AKT3: variants seen among roughly 807,000 people sequenced by gnomAD.
AKT3 encodes the protein AKT serine/threonine kinase 3.
A neutral mutation model predicts 65.3 loss-of-function variants in AKT3; 15 were observed. The observed-to-expected ratio is 0.23, with a 90% CI of 0.15 to 0.35. AKT3 has a LOEUF of 0.35. Among genes scored for constraint, AKT3 ranks in the 10% least tolerant of loss-of-function variants. The probability of loss-of-function intolerance (pLI) is 1.00; values close to 1 mark genes in which losing one functional copy is unlikely to be tolerated. For synonymous variants in AKT3, 206 were observed against 183.8 expected, an observed-to-expected ratio of 1.12 and a Z score of -0.98; for missense variants, 243 against 576.5, an observed-to-expected ratio of 0.42 and a Z score of 5.92.
intron 2 of AKT3, among the ~76,000 whole-genome samples, chr1:243,752,775 T>C (rs987678460): frequency 2.0e-5 from 3 of 152,198 alleles, no homozygotes; most frequent in African/African-American, 4.8e-5. Flanking sequence ...GAGGATGCTG[T>C]CATAAAGGTC....
At chr1:243,672,616 A>T (rs766979071) in intron 3 of AKT3, among the ~76,000 whole-genome samples, 24 of 152,214 alleles carry the variant, frequency 1.6e-4, no homozygotes, top group Non-Finnish European at 3.2e-4. Flanking sequence ...CCAAATTGTG[A>T]CATTTTAATT....
intron 12 of AKT3, among the ~76,000 whole-genome samples, chr1:243,518,240 C>G (rs542865692): frequency 2.2e-4 from 33 of 152,312 alleles, no homozygotes; most frequent in Non-Finnish European, 4.0e-4. Context: ...TCCCCTGTCC[C>G]TGAAGGTGAA....
intron 5 of AKT3, among the ~76,000 whole-genome samples, chr1:243,643,281 C>T (rs1355900643): frequency 6.6e-6 from 1 of 152,206 alleles, no homozygotes; most frequent in African/African-American, 2.4e-5. Context: ...AGTGGGAAAG[C>T]AGGAGGCACT....
intron 4 of AKT3, among the ~76,000 whole-genome samples, chr1:243,649,496 G>A (rs1681135979): frequency 6.6e-6 from 1 of 151,792 alleles, no homozygotes; most frequent in South Asian, 2.1e-4. Flanking sequence ...ATGTGTCATG[G>A]CGGTTTGCTG....
chr1:243,661,263 C>T (rs1441380948), intron 4 of AKT3, among the ~76,000 whole-genome samples: 1 of 152,100 alleles, frequency 6.6e-6, no homozygotes, highest in African/African-American at 2.4e-5. Context: ...AATCCTAAGC[C>T]AAAAGAACAA....
At chr1:243,512,284 T>G in intron 13 of AKT3, 40 bp downstream of exon 13, 1 of 1,132,956 alleles carries the variant, frequency 8.8e-7, no homozygotes, top group Non-Finnish European at 1.3e-6. Context: ...TAGGAGAAAT[T>G]ATATTAGAAA....
Position 243,700,491 on chromosome 1 carries a change from CCTCAGG to C in AKT3, c.47-4781_47-4776del, listed in dbSNP as rs1464995106. On this transcript the variant is annotated intron_variant, in intron 2 of 13. Coordinates refer to ENST00000673466, the MANE Select transcript of AKT3 (RefSeq NM_005465.7). ...AGTAAAAATACTGCATTATTTTGGA[CCTCAGG>C]CTTAGTCTATTTTTTTTTTTTTTTT... Among the ~76,000 whole-genome samples the C allele has an allele frequency of 5.4e-5, 8 of 149,116 alleles. No homozygotes were observed. The East Asian group carries it at 1.6e-3, about 29-fold the overall frequency.
chr1:243,615,692 G>C (rs1678249294), intron 6 of AKT3, among the ~76,000 whole-genome samples: 1 of 152,018 alleles, frequency 6.6e-6, no homozygotes, highest in Admixed American at 6.6e-5. Flanking sequence ...GAAAGGAACA[G>C]AGTATAAAAA....
intron 2 of AKT3, among the ~76,000 whole-genome samples, chr1:243,707,853 AT>A (rs1487588745): frequency 6.6e-6 from 1 of 152,138 alleles, no homozygotes; most frequent in African/African-American, 2.4e-5. Flanking sequence ...GAATAAGTGT[AT>A]TTCAACTTCT....
intron 12 of AKT3, among the ~76,000 whole-genome samples, chr1:243,521,197 T>C (rs1205162271): frequency 6.6e-6 from 1 of 152,244 alleles, no homozygotes; most frequent in Non-Finnish European, 1.5e-5. Flanking sequence ...CCTTAACAAC[T>C]GTGGTTATTT....
chr1:243,649,311 A>ATATG (rs1456703900), intron 4 of AKT3, among the ~76,000 whole-genome samples: 2 of 58,352 alleles, frequency 3.4e-5, no homozygotes, highest in African/African-American at 8.3e-5. Context: ...TGTTATGTGT[A>ATATG]TATGTGTGTG....
intron 3 of AKT3, among the ~76,000 whole-genome samples, chr1:243,676,151 T>C (rs950667563): frequency 2.0e-5 from 3 of 152,078 alleles, no homozygotes; most frequent in Non-Finnish European, 2.9e-5. Flanking sequence ...GGTCAACGAG[T>C]TGAAGTGAAC....
chr1:243,833,262 CA>C (rs984132164), intron 2 of AKT3, among the ~76,000 whole-genome samples: 3 of 151,792 alleles, frequency 2.0e-5, no homozygotes, highest in African/African-American at 7.3e-5. Context: ...AAAAAACAAA[CA>C]AACAAAAAAA....
chr1:243,714,034 T>G (rs1046113140), intron 2 of AKT3, among the ~76,000 whole-genome samples: 1 of 152,248 alleles, frequency 6.6e-6, no homozygotes, highest in East Asian at 1.9e-4. Context: ...TCATGTTGGG[T>G]TTTTTCCTCT....
At chr1:243,589,317 AAAAAAAAG>A (rs1165409613) in intron 8 of AKT3, among the ~76,000 whole-genome samples, 9 of 147,818 alleles carry the variant, frequency 6.1e-5, no homozygotes, top group East Asian at 4.0e-4. Flanking sequence ...AAAAAAAAAA[AAAAAAAAG>A]AAAAAAAAAG....
At chr1:243,785,703 C>T (rs760899582) in intron 2 of AKT3, among the ~76,000 whole-genome samples, 6 of 152,194 alleles carry the variant, frequency 3.9e-5, no homozygotes, top group South Asian at 4.1e-4. Flanking sequence ...TGCAAACCTT[C>T]GGCCAAGCAC....
Position 243,503,313 on chromosome 1 carries a change from C to T in AKT3, c.*1936G>A, listed in dbSNP as rs1310088856. On this transcript the variant is annotated 3_prime_UTR_variant, in exon 14 of 14. Coordinates refer to ENST00000673466, the MANE Select transcript of AKT3 (RefSeq NM_005465.7). ...CCCACTGCCAGCAGTGGTTTCATAGCTATAAATCCACACTTCCAGCGTCAA... is the reference window on the plus strand; with the variant it reads ...CCCACTGCCAGCAGTGGTTTCATAGTTATAAATCCACACTTCCAGCGTCAA... The T allele has an allele frequency of 8.6e-6, 2 of 233,586 alleles. No individual in the cohort carries two copies. The highest frequency in any genetic ancestry group is 1.7e-5 in the Non-Finnish European group (2 of 118,036). 14.5% of individuals were successfully genotyped at this position (233,586 alleles called of 1,614,324 possible). A position where few individuals can be genotyped will look rare whatever the true frequency, so the allele number is the denominator to read the frequency against.
chr1:243,843,058 T>C lies in AKT3; in HGVS notation c.46+67A>G, dbSNP rs1357852822. On this transcript the variant is annotated intron_variant, in intron 2 of 13. Coordinates refer to ENST00000673466, the MANE Select transcript of AKT3 (RefSeq NM_005465.7). ...TAACAGTATCAGAAAAAAGATCAAC[T>C]TCTAAGACACCACTCACTGCTAGCA... The C allele has an allele frequency of 2.0e-6, 3 of 1,535,348 alleles. No homozygotes were observed. In the East Asian group the frequency reaches 6.8e-5, roughly 35 times the overall value.
At chr1:243,608,249 A>G (rs745340644) in intron 8 of AKT3, among the ~76,000 whole-genome samples, 6 of 152,184 alleles carry the variant, frequency 3.9e-5, no homozygotes, top group Non-Finnish European at 7.3e-5. Flanking sequence ...CATTGACTTC[A>G]ACATTGCTAC....
Sources: gnomAD v4.1 joint callset for allele counts (sites outside exome capture counted in the v4.1 genomes callset) on GRCh38, gnomAD v4.1.1 for gene constraint, MANE v1.5 for transcripts, NCBI Gene and HGNC (gene_info 2026-07-23, HGNC 2026-07-21) for gene names.